The following PM20D2 variants were observed in gnomAD, a reference collection of about 807,000 sequenced individuals.
PM20D2 encodes the protein xaa-Arg dipeptidase.
A neutral mutation model predicts 42.9 loss-of-function variants in PM20D2; 33 were observed. The observed-to-expected ratio is 0.77, with a 90% CI of 0.58 to 1.03. PM20D2 has a LOEUF of 1.03. Among genes scored for constraint, PM20D2 ranks in the 50% least tolerant of loss-of-function variants. The pLI is 0.00. For synonymous variants in PM20D2, 250 were observed against 228.2 expected, an observed-to-expected ratio of 1.10 and a Z score of -0.86; for missense variants, 548 against 557.0, an observed-to-expected ratio of 0.98 and a Z score of 0.16.
the PM20D2 span, among the ~76,000 whole-genome samples, chr6:89,099,640 ATTC>A: frequency 6.6e-6 from 1 of 151,682 alleles, no homozygotes; most frequent in Non-Finnish European, 1.5e-5. Flanking sequence ...GGTTTGAGCA[ATTC>A]TTCTCTCTCA....
chr6:89,149,858 A>G (rs1770767939), intron 2 of PM20D2, among the ~76,000 whole-genome samples: 2 of 152,212 alleles, frequency 1.3e-5, no homozygotes, highest in Non-Finnish European at 2.9e-5. Context: ...GAGAGAGAAT[A>G]TGGAACATGA....
At chr6:89,119,770 C>T in the PM20D2 span, among the ~76,000 whole-genome samples, 2 of 152,218 alleles carry the variant, frequency 1.3e-5, no homozygotes, top group Non-Finnish European at 2.9e-5. Context: ...CCAGTCTCCA[C>T]TTCTGTCTTC....
chr6:89,145,484 A>G (rs1770496669), upstream of PM20D2, among the ~76,000 whole-genome samples: 1 of 152,244 alleles, frequency 6.6e-6, no homozygotes, highest in South Asian at 2.1e-4. Flanking sequence ...ATAAATTATT[A>G]TATAATAGCT....
the PM20D2 span, among the ~76,000 whole-genome samples, chr6:89,135,397 A>T: frequency 6.6e-6 from 1 of 151,202 alleles, no homozygotes; most frequent in Non-Finnish European, 1.5e-5. Flanking sequence ...GATTATCGTC[A>T]AATTTGGTAA....
At chr6:89,117,782 C>A in the PM20D2 span, 2 of 1,523,846 alleles carry the variant, frequency 1.3e-6, no homozygotes, top group Non-Finnish European at 1.8e-6. Flanking sequence ...TGTTACCCCG[C>A]CCCTCCTCCG....
upstream of PM20D2, among the ~76,000 whole-genome samples, chr6:89,144,414 T>G (rs1269533289): frequency 6.6e-6 from 1 of 152,168 alleles, no homozygotes; most frequent in Non-Finnish European, 1.5e-5. Context: ...GGTTCTGATT[T>G]GAATAGATAA....
upstream of PM20D2, among the ~76,000 whole-genome samples, chr6:89,141,837 C>A (rs1770317373): frequency 6.6e-6 from 1 of 152,158 alleles, no homozygotes; most frequent in African/African-American, 2.4e-5. Flanking sequence ...AAAAGTCTCA[C>A]TCTGTTGCCC....
At chr6:89,109,006 TTTAC>T in the PM20D2 span, among the ~76,000 whole-genome samples, 1 of 152,222 alleles carries the variant, frequency 6.6e-6, no homozygotes. Context: ...TCTTTTTTCT[TTTAC>T]TTATTCAGAA....
the PM20D2 span, chr6:89,106,802 G>A: frequency 2.8e-6 from 1 of 359,764 alleles, no homozygotes; most frequent in Non-Finnish European, 5.4e-6. Context: ...CTGAGTAAAT[G>A]TAGGAAAGCC....
the PM20D2 span, among the ~76,000 whole-genome samples, chr6:89,126,599 C>CTTGGAGGT: frequency 2.1e-5 from 3 of 143,908 alleles, no homozygotes; most frequent in African/African-American, 7.8e-5. Context: ...ATTGCTTGAA[C>CTTGGAGGT]TTGGAGGTTG....
chr6:89,128,618 C>A, the PM20D2 span, among the ~76,000 whole-genome samples: 3 of 152,178 alleles, frequency 2.0e-5, no homozygotes, highest in Non-Finnish European at 2.9e-5. Context: ...AGCATGTGAT[C>A]TTTGTCCCTA....
the PM20D2 span, chr6:89,098,586 T>G: frequency 6.2e-7 from 1 of 1,608,634 alleles, no homozygotes; most frequent in Non-Finnish European, 8.5e-7. Flanking sequence ...GTTCACCAAC[T>G]GTTTTTATGA....
At chr6:89,160,459 C>G (rs1441521538) in intron 5 of PM20D2, among the ~76,000 whole-genome samples, 2 of 152,204 alleles carry the variant, frequency 1.3e-5, no homozygotes, top group East Asian at 3.8e-4. Context: ...TCACATATTC[C>G]TTTATTCTCT....
chr6:89,099,063 G>T, the PM20D2 span: 2 of 1,259,088 alleles, frequency 1.6e-6, no homozygotes, highest in Non-Finnish European at 2.1e-6. Flanking sequence ...TACTAGATAA[G>T]CTAAAAAAAT....
rs1770524309 is a variant in PM20D2, at chr6:89,146,055, C to T, written c.-90C>T. The T allele has an allele frequency of 1.7e-6, 2 of 1,181,976 alleles. No individual in the cohort carries two copies. The highest frequency in any genetic ancestry group is 1.1e-6 in the Non-Finnish European group (1 of 909,860). 73.2% of individuals were successfully genotyped at this position (1,181,976 alleles called of 1,614,324 possible). ...GCCGCGTGCGCGCTCCGCCGGGGTC[C>T]TGGAGGCCTCTGGGCGCGTGCGCGG... On this transcript the variant is annotated 5_prime_UTR_variant, in exon 1 of 7. Transcript: ENST00000275072.
At chr6:89,152,570 C>A (rs1000108810) in intron 2 of PM20D2, among the ~76,000 whole-genome samples, 44 of 152,286 alleles carry the variant, frequency 2.9e-4, no homozygotes, top group African/African-American at 1.0e-3. Context: ...CTTGTGATAA[C>A]ATTGAATATA....
At chr6:89,113,462 G>A in the PM20D2 span, among the ~76,000 whole-genome samples, 3 of 151,994 alleles carry the variant, frequency 2.0e-5, no homozygotes, top group East Asian at 1.9e-4. Context: ...GTGAGCCACC[G>A]CACCCAGCCC....
At chr6:89,117,069 A>G in the PM20D2 span, among the ~76,000 whole-genome samples, 1 of 152,006 alleles carries the variant, frequency 6.6e-6, no homozygotes, top group Non-Finnish European at 1.5e-5. Context: ...TCCATTAAGG[A>G]AGGAAGTGCT....
At chr6:89,130,819 CTTTTTTTTTT>C in the PM20D2 span, among the ~76,000 whole-genome samples, 42 of 24,056 alleles carry the variant, frequency 1.7e-3, no homozygotes, top group African/African-American at 4.9e-3. Context: ...GCTTCTTCTT[CTTTTTTTTTT>C]TTTTTTTTTT....
Sources: gnomAD v4.1 joint callset for allele counts (sites outside exome capture counted in the v4.1 genomes callset) on GRCh38, gnomAD v4.1.1 for gene constraint, MANE v1.5 for transcripts, NCBI Gene and HGNC (gene_info 2026-07-23, HGNC 2026-07-21) for gene names.